Variants in PDE7B observed in about 807,000 individuals in gnomAD.
PDE7B encodes the protein 3',5'-cyclic-AMP phosphodiesterase 7B.
Under a neutral mutation model 56.2 loss-of-function variants are expected in PDE7B, and 29 were observed. That is an observed-to-expected ratio of 0.52 (90% CI 0.38 to 0.70). PDE7B has a LOEUF of 0.70. PDE7B is among the 30% of genes least tolerant of loss of function. The pLI is 0.00. For synonymous variants in PDE7B, 197 were observed against 196.9 expected (o/e 1.00, Z 0.00); for missense variants, 490 against 565.0 (o/e 0.87, Z 1.35).
chr6:136,113,642 C>T (rs745452546), intron 3 of PDE7B, among the ~76,000 whole-genome samples: 8 of 152,086 alleles, frequency 5.3e-5, no homozygotes, highest in African/African-American at 1.4e-4. Flanking sequence ...ACTGGAGGGA[C>T]GGAAAAGTAA....
intron 1 of PDE7B, among the ~76,000 whole-genome samples, chr6:135,946,414 A>G (rs1361624937): frequency 1.3e-5 from 2 of 152,102 alleles, no homozygotes; most frequent in Non-Finnish European, 2.9e-5. Context: ...TTCTCTACTT[A>G]TAAATCTAGA....
At chr6:135,877,195 A>T (rs1274430496) in intron 1 of PDE7B, among the ~76,000 whole-genome samples, 1 of 151,932 alleles carries the variant, frequency 6.6e-6, no homozygotes, top group African/African-American at 2.4e-5. Flanking sequence ...TTGTTCCATT[A>T]ACTTGTGTTC....
chr6:135,967,381 C>T (rs893108847), intron 2 of PDE7B, among the ~76,000 whole-genome samples: 3 of 152,166 alleles, frequency 2.0e-5, no homozygotes, highest in Non-Finnish European at 4.4e-5. Flanking sequence ...CAATATCAGG[C>T]TTGTAAAGGG....
chr6:136,148,755 G>A (rs1042316668), intron 4 of PDE7B, among the ~76,000 whole-genome samples: 3 of 152,120 alleles, frequency 2.0e-5, no homozygotes, highest in African/African-American at 7.2e-5. Context: ...TGTGAGATGT[G>A]GAAAGGACAG....
intron 2 of PDE7B, among the ~76,000 whole-genome samples, chr6:135,966,788 G>A (rs910957092): frequency 2.6e-5 from 4 of 152,102 alleles, no homozygotes; most frequent in African/African-American, 9.7e-5. Flanking sequence ...TTAAAGAAAG[G>A]CACATCTATA....
intron 2 of PDE7B, among the ~76,000 whole-genome samples, chr6:135,965,884 A>G (rs926090608): frequency 1.3e-5 from 2 of 152,146 alleles, no homozygotes; most frequent in Non-Finnish European, 2.9e-5. Context: ...TGAGATGAGG[A>G]GCCAGAGGAA....
At chr6:135,897,270 G>T (rs908417218) in intron 1 of PDE7B, among the ~76,000 whole-genome samples, 4 of 151,978 alleles carry the variant, frequency 2.6e-5, no homozygotes. Context: ...CAGGGTGTGT[G>T]TGTGTGTGTG....
At chr6:136,054,295 C>T (rs1191725374) in intron 2 of PDE7B, among the ~76,000 whole-genome samples, 1 of 152,124 alleles carries the variant, frequency 6.6e-6, no homozygotes, top group Non-Finnish European at 1.5e-5. Flanking sequence ...TTCCCAGCAC[C>T]ATTTATTAAA....
intron 2 of PDE7B, among the ~76,000 whole-genome samples, chr6:135,978,571 TA>T (rs1775233130): frequency 6.6e-6 from 1 of 152,186 alleles, no homozygotes; most frequent in South Asian, 2.1e-4. Context: ...TTTACTCTTA[TA>T]ATACTTTTTT....
chr6:136,083,502 C>CA (rs1194751747), intron 2 of PDE7B, among the ~76,000 whole-genome samples: 1 of 152,162 alleles, frequency 6.6e-6, no homozygotes, highest in Non-Finnish European at 1.5e-5. Context: ...TCTGAAATGG[C>CA]ATGCTAACTA....
At chr6:136,012,666 C>T (rs1775913903) in intron 2 of PDE7B, 1 of 152,128 alleles carries the variant, frequency 6.6e-6, no homozygotes, top group Non-Finnish European at 1.5e-5. Flanking sequence ...CCCTCACTAT[C>T]AGGAGAACAG....
chr6:136,191,546 T>G (rs1779224950), intron 12 of PDE7B, 68 bp from the exon 13 acceptor site: 1 of 1,315,808 alleles, frequency 7.6e-7, no homozygotes, highest in East Asian at 2.4e-5. Context: ...TCCCCAGTCA[T>G]GCTCGGGAGG....
chr6:136,148,949 G>A (rs1488056661), intron 4 of PDE7B, 138 bp from the exon 5 acceptor site: 2 of 640,842 alleles, frequency 3.1e-6, no homozygotes, highest in Non-Finnish European at 5.6e-6. Context: ...TAGGACATAG[G>A]GAAACCATTC....
At chr6:136,024,088 C>T (rs1776112831) in intron 2 of PDE7B, among the ~76,000 whole-genome samples, 1 of 152,074 alleles carries the variant, frequency 6.6e-6, no homozygotes, top group Non-Finnish European at 1.5e-5. Context: ...AAAACCTCCT[C>T]TAGGAATAAT....
chr6:136,032,070 A>G (rs1191613584), intron 2 of PDE7B, among the ~76,000 whole-genome samples: 1 of 152,184 alleles, frequency 6.6e-6, no homozygotes, highest in African/African-American at 2.4e-5. Context: ...TCTGCACACT[A>G]CATTTCTTTT....
chr6:136,025,915 T>C (rs1776142404), intron 2 of PDE7B, among the ~76,000 whole-genome samples: 1 of 152,096 alleles, frequency 6.6e-6, no homozygotes, highest in South Asian at 2.1e-4. Context: ...GGCCAAGCTG[T>C]TTAGAAAGCA....
intron 2 of PDE7B, among the ~76,000 whole-genome samples, chr6:136,045,436 T>TA (rs1419054613): frequency 1.6e-4 from 24 of 152,170 alleles, no homozygotes; most frequent in Non-Finnish European, 2.9e-5. Flanking sequence ...TCTTCTTACC[T>TA]AAAAAATCCA....
chr6:136,129,937 C>T (rs983867781), intron 3 of PDE7B, among the ~76,000 whole-genome samples: 4 of 152,166 alleles, frequency 2.6e-5, no homozygotes, highest in East Asian at 1.9e-4. Context: ...TGCCCCCTCA[C>T]TTTCATCCCC....
At chr6:136,073,133 A>G (rs138632747) in intron 2 of PDE7B, among the ~76,000 whole-genome samples, 98 of 152,200 alleles carry the variant, frequency 6.4e-4, no homozygotes, top group Non-Finnish European at 1.0e-3. Context: ...AGGGATGGCC[A>G]TGCTGAAGTC....
Sources: gnomAD v4.1 joint callset for allele counts (sites outside exome capture counted in the v4.1 genomes callset) on GRCh38, gnomAD v4.1.1 for gene constraint, MANE v1.5 for transcripts, NCBI Gene and HGNC (gene_info 2026-07-23, HGNC 2026-07-21) for gene names.